Variants in USH2A observed in about 807,000 individuals in gnomAD.
USH2A encodes Usher syndrome 2A (autosomal recessive, mild).
USH2A carries 443 observed loss-of-function variants against 538.9 expected under a neutral mutation model. The observed-to-expected ratio is 0.82, with a 90% CI of 0.76 to 0.89. The LOEUF (loss-of-function observed/expected upper bound fraction) is 0.89, where lower values mean the gene tolerates loss of function less well. Among genes scored for constraint, USH2A ranks in the 40% least tolerant of loss-of-function variants. USH2A has a pLI of 0.00. For missense variants in USH2A, 6,633 were observed against 6,324.8 expected, an observed-to-expected ratio of 1.05 and a Z score of -1.65; for synonymous variants, 2,413 against 2,273.5, an observed-to-expected ratio of 1.06 and a Z score of -1.75.
intron 32 of USH2A, among the ~76,000 whole-genome samples, chr1:216,002,245 A>G (rs1284067712): frequency 6.6e-6 from 1 of 152,164 alleles, no homozygotes; most frequent in Admixed American, 6.5e-5. Flanking sequence ...TATGCAAAGA[A>G]AAACTCCTAC....
chr1:215,784,906 T>A (rs994160020), intron 52 of USH2A, among the ~76,000 whole-genome samples: 4 of 152,200 alleles, frequency 2.6e-5, no homozygotes, highest in African/African-American at 9.6e-5. Flanking sequence ...AAAATCTTGA[T>A]CTTGATTACA....
At chr1:215,795,192 C>T (rs1314874051) in intron 50 of USH2A, among the ~76,000 whole-genome samples, 2 of 152,184 alleles carry the variant, frequency 1.3e-5, no homozygotes, top group African/African-American at 4.8e-5. Flanking sequence ...TGTATACCTC[C>T]TGTAAACCAA....
At chr1:216,099,448 A>G (rs1260774912) in intron 21 of USH2A, among the ~76,000 whole-genome samples, 1 of 152,104 alleles carries the variant, frequency 6.6e-6, no homozygotes, top group African/African-American at 2.4e-5. Context: ...TGAGCCACCC[A>G]TTTGAAACAT....
chr1:215,763,871 A>T (rs1661055489), intron 56 of USH2A, among the ~76,000 whole-genome samples: 1 of 152,072 alleles, frequency 6.6e-6, no homozygotes, highest in African/African-American at 2.4e-5. Flanking sequence ...TTTTTTAAAA[A>T]AAATTCTTAA....
intron 61 of USH2A, 68 bp downstream of exon 61, chr1:215,727,962 C>G (rs1049040452): frequency 4.5e-6 from 7 of 1,549,930 alleles, no homozygotes; most frequent in Non-Finnish European, 5.3e-6. Flanking sequence ...AGAAGTTGGA[C>G]AAGAAAATTA....
At chr1:215,897,808 G>A (rs1234476305) in intron 40 of USH2A, among the ~76,000 whole-genome samples, 1 of 152,056 alleles carries the variant, frequency 6.6e-6, no homozygotes, top group Non-Finnish European at 1.5e-5. Context: ...AACAAAGAAA[G>A]AAGAAAGAAA....
chr1:216,274,167 T>C (rs2036625926), intron 11 of USH2A, among the ~76,000 whole-genome samples: 1 of 152,088 alleles, frequency 6.6e-6, no homozygotes, highest in Admixed American at 6.6e-5. Flanking sequence ...TCTCTTTTTC[T>C]TCTTAGTCAT....
At position 215,759,841 on chromosome 1, in the gene USH2A, C is replaced by A. The variant is rs1387227775; in HGVS notation, c.11050G>T (p.Val3684Phe). ...ATAATGTGTCGAGGTGTCACCCAAA[C>A]TCCTGGCAAGAATAACGCAATGAGG... Reference protein sequence around the residue: ...GQTLQAAPEGVWVTPRHIIIN... With the variant: ...GQTLQAAPEGFWVTPRHIIIN... Residue 3684 changes from valine to phenylalanine, a missense_variant and splice_region_variant, in exon 57 of 72, where the codon GTT becomes TTT. Transcript: ENST00000307340. The A allele has an allele frequency of 6.2e-7, 1 of 1,613,848 alleles. No individual in the cohort carries two copies. Among genetic ancestry groups the A allele is most frequent in the African/African-American group, 1.3e-5 (1 of 74,900 alleles).
At chr1:215,749,047 T>C (rs1345119994) in intron 58 of USH2A, among the ~76,000 whole-genome samples, 1 of 152,236 alleles carries the variant, frequency 6.6e-6, no homozygotes, top group African/African-American at 2.4e-5. Flanking sequence ...TGTAACACTA[T>C]TTTGTTATCT....
chr1:215,916,884 T>G (rs1665968292), intron 38 of USH2A, among the ~76,000 whole-genome samples: 1 of 152,106 alleles, frequency 6.6e-6, no homozygotes. Flanking sequence ...GGTTTAAGAT[T>G]AAAGAATTGC....
At chr1:216,165,145 T>G (rs2102631835) in intron 21 of USH2A, among the ~76,000 whole-genome samples, 1 of 152,300 alleles carries the variant, frequency 6.6e-6, no homozygotes, top group East Asian at 1.9e-4. Context: ...CATTGATCAC[T>G]GTTGTTTTTA....
intron 51 of USH2A, among the ~76,000 whole-genome samples, chr1:215,787,847 C>T (rs1243267075): frequency 1.3e-5 from 2 of 151,902 alleles, no homozygotes; most frequent in African/African-American, 2.4e-5. Flanking sequence ...ATTTCGAGAC[C>T]AGACCGATCA....
At chr1:215,679,049 G>C (rs139368774) in intron 62 of USH2A, among the ~76,000 whole-genome samples, 60 of 151,892 alleles carry the variant, frequency 4.0e-4, no homozygotes, top group Non-Finnish European at 1.8e-4. Context: ...CTTGCCCCAG[G>C]GGGGAGAAGT....
intron 11 of USH2A, among the ~76,000 whole-genome samples, chr1:216,276,850 A>G (rs936062240): frequency 1.3e-5 from 2 of 152,064 alleles, no homozygotes; most frequent in African/African-American, 4.8e-5. Flanking sequence ...CCCATGATTC[A>G]ATCATCTCCC....
At chr1:216,393,049 C>T (rs919251986) in intron 3 of USH2A, among the ~76,000 whole-genome samples, 3 of 152,100 alleles carry the variant, frequency 2.0e-5, no homozygotes, top group Admixed American at 6.6e-5. Flanking sequence ...TTGTCTTTTA[C>T]ATTAATGAAG....
intron 61 of USH2A, among the ~76,000 whole-genome samples, chr1:215,702,279 A>C (rs1659050401): frequency 6.6e-6 from 1 of 152,072 alleles, no homozygotes; most frequent in South Asian, 2.1e-4. Context: ...ACTTTGGTGA[A>C]TCTGATGATT....
chr1:215,836,518 A>G (rs373694298), intron 47 of USH2A, among the ~76,000 whole-genome samples: 1 of 26,334 alleles, frequency 3.8e-5, no homozygotes, highest in African/African-American at 1.2e-4. Context: ...ATATATATAT[A>G]ATATATATTA....
At chr1:216,078,473 A>G in intron 26 of USH2A, 111 bp from the exon 27 acceptor site, 2 of 977,422 alleles carry the variant, frequency 2.0e-6, no homozygotes, top group East Asian at 2.4e-5. Flanking sequence ...GTTCCCTGAA[A>G]GCACTCTATA....
At position 215,846,031 on chromosome 1, in the gene USH2A, C is replaced by T. The variant is rs777805274; in HGVS notation, c.8848G>A (p.Val2950Ile). ...AIDVRWAKPT[V>I]QDLQGEVEYY... ...TCAACTTCACCTTGTAGGTCTTGAACAGCTGTCAACAATAAATGCAGGACA... is the reference window on the plus strand; with the variant it reads ...TCAACTTCACCTTGTAGGTCTTGAATAGCTGTCAACAATAAATGCAGGACA... Residue 2950 changes from valine to isoleucine, a missense_variant and splice_region_variant, in exon 45 of 72, where the codon GTT (valine) becomes ATT (isoleucine). By Grantham distance (29) the Val-to-Ile change is conservative. Coordinates refer to ENST00000307340, the MANE Select transcript of USH2A (RefSeq NM_206933.4). The T allele has an allele frequency of 8.1e-6, 13 of 1,608,596 alleles. No individual in the cohort carries two copies. The highest frequency in any genetic ancestry group is 3.4e-6 in the Non-Finnish European group (4 of 1,177,052).
Sources: gnomAD v4.1 joint callset for allele counts (sites outside exome capture counted in the v4.1 genomes callset) on GRCh38, gnomAD v4.1.1 for gene constraint, MANE v1.5 for transcripts, NCBI Gene and HGNC (gene_info 2026-07-23, HGNC 2026-07-21) for gene names.